Variants in DGKH observed in about 807,000 individuals in gnomAD.
The protein encoded by DGKH is diacylglycerol kinase eta, also known as DAG kinase eta.
A neutral mutation model predicts 159.3 loss-of-function variants in DGKH; 90 were observed. That is an observed-to-expected ratio of 0.57 (90% CI 0.48 to 0.67). The LOEUF is 0.67. DGKH is among the 30% of genes least tolerant of loss of function. DGKH has a pLI of 0.00. For missense variants in DGKH, 1,181 were observed against 1,506.1 expected (o/e 0.78, Z 3.57); for synonymous variants, 536 against 553.8 (o/e 0.97, Z 0.45).
At chr13:42,058,818 G>A (rs1881939277) in intron 1 of DGKH, among the ~76,000 whole-genome samples, 1 of 152,204 alleles carries the variant, frequency 6.6e-6, no homozygotes, top group South Asian at 2.1e-4. Context: ...CACCTGCCAG[G>A]TAGATACAGA....
intron 24 of DGKH, among the ~76,000 whole-genome samples, chr13:42,213,840 G>C (rs1261873890): frequency 6.6e-6 from 1 of 152,044 alleles, no homozygotes; most frequent in African/African-American, 2.4e-5. Context: ...CTTGTCCTTG[G>C]CCTTAGTGCC....
At chr13:42,170,357 G>A (rs1258792346) in intron 11 of DGKH, among the ~76,000 whole-genome samples, 1 of 152,078 alleles carries the variant, frequency 6.6e-6, no homozygotes, top group Non-Finnish European at 1.5e-5. Context: ...AGGTGGCAGT[G>A]AGCCACAATT....
intron 1 of DGKH, among the ~76,000 whole-genome samples, chr13:42,072,707 A>C (rs1267672846): frequency 6.6e-6 from 1 of 152,222 alleles, no homozygotes; most frequent in Non-Finnish European, 1.5e-5. Flanking sequence ...TTTATAATTA[A>C]CACCTTATAG....
At chr13:42,107,565 A>G (rs1033839539) in intron 1 of DGKH, among the ~76,000 whole-genome samples, 1 of 152,174 alleles carries the variant, frequency 6.6e-6, no homozygotes, top group Non-Finnish European at 1.5e-5. Context: ...TGGAGGATTA[A>G]TTAGACAGGG....
At chr13:42,182,573 A>C (rs947685362) in intron 13 of DGKH, among the ~76,000 whole-genome samples, 1 of 152,224 alleles carries the variant, frequency 6.6e-6, no homozygotes, top group Non-Finnish European at 1.5e-5. Flanking sequence ...TTTGCTATGT[A>C]AATAGTTGTT....
chr13:42,254,350 A>G (rs1167661842), intron 30 of DGKH, among the ~76,000 whole-genome samples: 1 of 152,194 alleles, frequency 6.6e-6, no homozygotes, highest in South Asian at 2.1e-4. Context: ...ATATATGGCC[A>G]GGTGTGGTGG....
intron 1 of DGKH, among the ~76,000 whole-genome samples, chr13:42,111,165 AAT>A (rs1954856288): frequency 7.7e-6 from 1 of 130,352 alleles, no homozygotes; most frequent in African/African-American, 2.8e-5. Context: ...ATGTTCACAA[AAT>A]ACAGTCTCAA....
intron 1 of DGKH, among the ~76,000 whole-genome samples, chr13:42,086,820 TG>T (rs1360665842): frequency 9.9e-5 from 15 of 152,100 alleles, no homozygotes; most frequent in Non-Finnish European, 1.9e-4. Flanking sequence ...CAGACCACAG[TG>T]CTGGAGGGGA....
chr13:42,205,257 A>AT (rs34778875), intron 20 of DGKH, among the ~76,000 whole-genome samples: 4 of 152,146 alleles, frequency 2.6e-5, no homozygotes, highest in African/African-American at 9.7e-5. Context: ...AATTATGCTC[A>AT]TTTTTCTTGA....
chr13:42,119,553 C>T (rs1213124133), intron 1 of DGKH, among the ~76,000 whole-genome samples: 2 of 152,184 alleles, frequency 1.3e-5, no homozygotes, highest in Non-Finnish European at 2.9e-5. Context: ...CTCTCACTAA[C>T]TTTGTTAGAC....
chr13:42,052,405 T>C (rs548404596), intron 1 of DGKH, among the ~76,000 whole-genome samples: 1 of 152,384 alleles, frequency 6.6e-6, no homozygotes, highest in Admixed American at 6.5e-5. Context: ...TGGTCTCATC[T>C]AGCCACTCAG....
At chr13:42,159,955 G>T in intron 6 of DGKH, 56 bp from the exon 7 acceptor site, 1 of 1,613,152 alleles carries the variant, frequency 6.2e-7, no homozygotes, top group South Asian at 1.1e-5. Flanking sequence ...TCTCCCCTGG[G>T]GTAAGGTTGG....
chr13:42,148,941 CTTCTT>C (rs1349460374), intron 3 of DGKH, among the ~76,000 whole-genome samples: 14 of 123,458 alleles, frequency 1.1e-4, no homozygotes, highest in African/African-American at 4.3e-4. Context: ...CCGCCCGCCC[CTTCTT>C]TTTTTTTTTT....
chr13:42,070,337 G>T (rs571699640), intron 1 of DGKH: 18 of 1,399,958 alleles, frequency 1.3e-5, no homozygotes, highest in Non-Finnish European at 1.5e-5. Flanking sequence ...TCTTCCTCAT[G>T]TGCAACAGGA....
chr13:42,225,484 A>G (rs1958100579), intron 29 of DGKH: 1 of 773,284 alleles, frequency 1.3e-6, no homozygotes. Context: ...TACTCATATG[A>G]TAAAAACTGG....
chr13:42,221,818 G>C (rs984348296), intron 29 of DGKH, among the ~76,000 whole-genome samples: 3 of 152,146 alleles, frequency 2.0e-5, no homozygotes, highest in Non-Finnish European at 2.9e-5. Context: ...CTAACATATG[G>C]AATGAGAAGA....
chr13:42,179,612 C>G (rs989279410), intron 13 of DGKH, among the ~76,000 whole-genome samples: 3 of 151,896 alleles, frequency 2.0e-5, no homozygotes, highest in African/African-American at 7.3e-5. Flanking sequence ...CATCTCTACT[C>G]AAAGTATACA....
chr13:42,095,863 A>G (rs947525724), intron 1 of DGKH, among the ~76,000 whole-genome samples: 3 of 152,204 alleles, frequency 2.0e-5, no homozygotes, highest in Non-Finnish European at 1.5e-5. Flanking sequence ...TCTGGTTTAA[A>G]AACTTTACAT....
At position 42,237,683 on chromosome 13, in the gene DGKH, G is replaced by C. The variant is rs1169402432; in HGVS notation, c.*8495G>C. 1.3e-5 allele frequency: 2 copies of C among 152,214 alleles called. No individual in the cohort carries two copies. Among genetic ancestry groups the C allele is most frequent in the Admixed American group, 6.5e-5 (1 of 15,276 alleles). The allele number at this position is 152,214 out of a possible 1,614,324, so 9.4% of individuals were successfully genotyped here. A position where few individuals can be genotyped will look rare whatever the true frequency, so the allele number is the denominator to read the frequency against. On this transcript the variant is annotated 3_prime_UTR_variant, in exon 30 of 30. Coordinates refer to ENST00000337343, the MANE Select transcript of DGKH (RefSeq NM_178009.5). ...GCTGAAATTGAGAAGTCAGTAAGAA[G>C]GTAGTTCAGATGACCTAATCATTCA...
Sources: allele counts gnomAD v4.1 joint callset (sites outside exome capture counted in the v4.1 genomes callset), GRCh38; gene constraint gnomAD v4.1.1; transcripts MANE v1.5; gene names NCBI Gene and HGNC (gene_info 2026-07-23, HGNC 2026-07-21).